The following ATG7 variants were observed in gnomAD, a reference collection of about 807,000 sequenced individuals.
ATG7 encodes the protein ubiquitin-like modifier-activating enzyme ATG7.
ATG7 carries 70 observed loss-of-function variants against 82.4 expected under a neutral mutation model. The observed-to-expected ratio is 0.85, with a 90% CI of 0.70 to 1.04. ATG7 has a LOEUF of 1.04. Among genes scored for constraint, ATG7 ranks in the 50% least tolerant of loss-of-function variants. The probability of loss-of-function intolerance (pLI) is 0.00; values close to 1 mark genes in which losing one functional copy is unlikely to be tolerated. For missense variants in ATG7, 792 were observed against 864.3 expected (o/e 0.92, Z 1.05); for synonymous variants, 287 against 313.0 (o/e 0.92, Z 0.88).
intron 12 of ATG7, among the ~76,000 whole-genome samples, chr3:11,341,282 G>A (rs1380828056): frequency 3.3e-5 from 5 of 151,906 alleles, no homozygotes; most frequent in Non-Finnish European, 5.9e-5. Context: ...GGCTGGACTC[G>A]AACTCCTGAC....
intron 7 of ATG7, among the ~76,000 whole-genome samples, chr3:11,312,552 C>T (rs570249010): frequency 1.3e-5 from 2 of 152,180 alleles, no homozygotes; most frequent in East Asian, 1.9e-4. Context: ...ATCATGCACT[C>T]GCTTTATCTC....
downstream of ATG7, chr3:11,559,263 AGCATGACAGAGAAGG>A (rs1426897149): frequency 1.4e-6 from 2 of 1,464,224 alleles, no homozygotes; most frequent in Non-Finnish European, 1.8e-6. Context: ...TTCAGCCAAC[AGCATGACAGAGAAGG>A]GCTCTGCTGC....
chr3:11,574,793 G>A, the ATG7 span, among the ~76,000 whole-genome samples: 43 of 108,944 alleles, frequency 3.9e-4, no homozygotes, highest in African/African-American at 1.8e-3. Flanking sequence ...ATATGTGTGT[G>A]TGTGTGTGTG....
intron 18 of ATG7, among the ~76,000 whole-genome samples, chr3:11,370,570 T>C (rs2076928587): frequency 6.6e-6 from 1 of 151,280 alleles, no homozygotes; most frequent in Non-Finnish European, 1.5e-5. Flanking sequence ...TAGTGTGAAG[T>C]TAAAGCAGCA....
chr3:11,536,548 C>A (rs1289662978), intron 20 of ATG7, among the ~76,000 whole-genome samples: 2 of 152,204 alleles, frequency 1.3e-5, no homozygotes, highest in African/African-American at 4.8e-5. Flanking sequence ...AAAACGCCAC[C>A]ACACACCTAG....
At chr3:11,400,003 T>TA (rs1388202917) in intron 19 of ATG7, among the ~76,000 whole-genome samples, 1 of 152,240 alleles carries the variant, frequency 6.6e-6, no homozygotes, top group Non-Finnish European at 1.5e-5. Flanking sequence ...ACATTTCTGT[T>TA]ACTTCACAAT....
the ATG7 span, chr3:11,564,684 C>T: frequency 7.6e-7 from 1 of 1,319,916 alleles, no homozygotes; most frequent in Non-Finnish European, 1.0e-6. Context: ...CTCCCTCCCT[C>T]ACCACCTCCC....
chr3:11,538,177 G>A (rs546095728), intron 20 of ATG7, among the ~76,000 whole-genome samples: 5 of 152,316 alleles, frequency 3.3e-5, no homozygotes, highest in African/African-American at 7.2e-5. Context: ...GAGAGCATGG[G>A]GGTTTTGTGG....
In ATG7 at chr3:11,379,976, G is replaced by T. The variant is rs1256655001; in HGVS notation, c.1880G>T (p.Arg627Leu). ...TSLGLVPHQIRGFLSRFDNVL... is the reference protein window; with the variant it reads ...TSLGLVPHQILGFLSRFDNVL... ...TTTTGTTTTGTTTGTTTTTAGATCC[G>T]GGGATTTCTTTCACGGTTTGATAAT... is the stretch of plus-strand genomic sequence containing the variant. Residue 627 changes from arginine to leucine, a missense_variant, in exon 19 of 21, where the codon CGG becomes CTG. Coordinates refer to ENST00000693202, the MANE Select transcript of ATG7 (RefSeq NM_001349232.2). The T allele has an allele frequency of 6.2e-7, 1 of 1,613,908 alleles. No individual in the cohort carries two copies. The highest frequency in any genetic ancestry group is 1.1e-5 in the South Asian group (1 of 91,060).
At chr3:11,559,231 G>C (rs79501176), downstream of ATG7, 42 of 1,436,496 alleles carry the variant, frequency 2.9e-5, no homozygotes, top group South Asian at 1.5e-5. Flanking sequence ...CTCAGCAATA[G>C]ATGGGCTCAG....
At chr3:11,440,344 A>G (rs371331295) in intron 20 of ATG7, among the ~76,000 whole-genome samples, 1 of 12,186 alleles carries the variant, frequency 8.2e-5, no homozygotes, top group Non-Finnish European at 1.7e-4. Flanking sequence ...TTTTTTTTTG[A>G]GACGGAGTCT....
chr3:11,573,279 GAA>G, the ATG7 span, among the ~76,000 whole-genome samples: 1 of 15,450 alleles, frequency 6.5e-5, no homozygotes, highest in African/African-American at 2.6e-4. Flanking sequence ...AAGAAAGAAA[GAA>G]AGAAAGAAAG....
intron 19 of ATG7, among the ~76,000 whole-genome samples, chr3:11,399,870 C>T (rs550175905): frequency 6.6e-5 from 10 of 152,138 alleles, no homozygotes; most frequent in African/African-American, 1.2e-4. Context: ...CAGTGCCTGG[C>T]GTGGAAGCGA....
At chr3:11,561,244 G>C (rs1319698563), downstream of ATG7, among the ~76,000 whole-genome samples, 1 of 152,194 alleles carries the variant, frequency 6.6e-6, no homozygotes, top group Admixed American at 6.5e-5. Context: ...TCGAGCACAG[G>C]GAGGGGGAAT....
intron 20 of ATG7, among the ~76,000 whole-genome samples, chr3:11,545,621 G>A (rs2071213656): frequency 1.3e-5 from 2 of 151,958 alleles, no homozygotes; most frequent in African/African-American, 4.8e-5. Flanking sequence ...AGCCCCGCCA[G>A]CCCTGTCCCC....
At chr3:11,273,319 A>G (rs1559301240) in intron 1 of ATG7, among the ~76,000 whole-genome samples, 1 of 152,132 alleles carries the variant, frequency 6.6e-6, no homozygotes, top group Non-Finnish European at 1.5e-5. Flanking sequence ...AGATTTCTTC[A>G]GTGACAGAAA....
rs765153372 is a variant in ATG7 at position 11,307,006 on chromosome 3, C to T, written c.279C>T (p.Leu93=). 18 of 1,614,020 alleles carry T rather than the reference C, an allele frequency of 1.1e-5. No homozygotes were observed. The highest frequency in any genetic ancestry group is 1.3e-5 in the Non-Finnish European group (15 of 1,180,008). ...AIGTLYNTNT[L]ESFKTADKKL... Reference sequence around the variant, plus strand: ...GAACACTGTATAACACCAACACACTCGAGTCTTTCAAGACTGCAGATAAGA... The same window carrying T: ...GAACACTGTATAACACCAACACACTTGAGTCTTTCAAGACTGCAGATAAGA... The change falls in exon 6 of 21, where the codon CTC becomes CTT. Residue 93 remains leucine (L), a synonymous_variant. Transcript: ENST00000693202.
intron 19 of ATG7, among the ~76,000 whole-genome samples, chr3:11,414,285 C>CA (rs1359124556): frequency 6.6e-6 from 1 of 152,108 alleles, no homozygotes; most frequent in African/African-American, 2.4e-5. Flanking sequence ...AGGCTGGTCT[C>CA]AAAGTCCTGA....
At chr3:11,517,817 G>A (rs1165464490) in intron 20 of ATG7, among the ~76,000 whole-genome samples, 2 of 152,236 alleles carry the variant, frequency 1.3e-5, no homozygotes, top group Non-Finnish European at 2.9e-5. Flanking sequence ...AGCACAGGCT[G>A]GGGCCGTGCC....
Sources: gnomAD v4.1 joint callset for allele counts (sites outside exome capture counted in the v4.1 genomes callset) on GRCh38, gnomAD v4.1.1 for gene constraint, MANE v1.5 for transcripts, NCBI Gene and HGNC (gene_info 2026-07-23, HGNC 2026-07-21) for gene names.